The following ADGRG5 variants were observed in gnomAD, a reference collection of about 807,000 sequenced individuals.
ADGRG5 encodes the protein adhesion G protein-coupled receptor G5, also known as G protein-coupled receptor 114.
In ADGRG5, 37 loss-of-function variants were observed where a neutral mutation model predicts 53.2. The observed-to-expected ratio is 0.70, with a 90% CI of 0.53 to 0.91. The LOEUF (loss-of-function observed/expected upper bound fraction) is 0.91, where lower values mean the gene tolerates loss of function less well. Among genes scored for constraint, ADGRG5 ranks in the 40% least tolerant of loss-of-function variants. The pLI is 0.00. For missense variants in ADGRG5, 614 were observed against 675.8 expected, an observed-to-expected ratio of 0.91 and a Z score of 1.01; for synonymous variants, 277 against 290.4, an observed-to-expected ratio of 0.95 and a Z score of 0.47.
chr16:57,543,346 G>A (rs1053633272), intron 1 of ADGRG5, among the ~76,000 whole-genome samples: 1 of 145,086 alleles, frequency 6.9e-6, no homozygotes, highest in Non-Finnish European at 1.5e-5. Context: ...GCAGTGGTGC[G>A]ATCTCGGCTC....
chr16:57,572,454 C>G (rs962453159), intron 10 of ADGRG5, among the ~76,000 whole-genome samples: 1 of 151,076 alleles, frequency 6.6e-6, no homozygotes, highest in East Asian at 2.0e-4. Context: ...GCCTGGGCGA[C>G]AGCGAGACTC....
the ADGRG5 span, among the ~76,000 whole-genome samples, chr16:57,531,047 T>C: frequency 6.6e-6 from 1 of 151,876 alleles, no homozygotes; most frequent in Non-Finnish European, 1.5e-5. Context: ...CGAATGCGGC[T>C]GTCATCGGGC....
intron 10 of ADGRG5, among the ~76,000 whole-genome samples, chr16:57,571,656 CT>C (rs61698586): frequency 1.7e-3 from 223 of 133,984 alleles, no homozygotes; most frequent in African/African-American, 2.4e-3. Flanking sequence ...TCTTTTTTTT[CT>C]TTTTTTTTTT....
At chr16:57,549,277 G>T (rs1284931587) in intron 1 of ADGRG5, among the ~76,000 whole-genome samples, 1 of 152,200 alleles carries the variant, frequency 6.6e-6, no homozygotes, top group Non-Finnish European at 1.5e-5. Flanking sequence ...CTTAGACAGA[G>T]AGTGCAGGAA....
rs74019561 is a variant in ADGRG5 at position 57,559,386 on chromosome 16, C to T, written c.-38-2670C>T. 5.2e-3 allele frequency among the ~76,000 whole-genome samples: 786 copies of T among 152,332 alleles called. 3 individuals carry two copies. Among genetic ancestry groups the T allele is most frequent in the Middle Eastern group, 0.017 (5 of 294 alleles). On this transcript the variant is annotated intron_variant, in intron 1 of 11. Coordinates refer to ENST00000349457, the MANE Select transcript of ADGRG5 (RefSeq NM_001304376.3). ...TCTCCAGGTAATCCTGCTCCACCCTCAACCCTTGGCATGTCCTGCATGGCT... is the reference window on the plus strand; with the variant it reads ...TCTCCAGGTAATCCTGCTCCACCCTTAACCCTTGGCATGTCCTGCATGGCT...
chr16:57,529,093 G>A, the ADGRG5 span: 1 of 1,174,870 alleles, frequency 8.5e-7, no homozygotes, highest in South Asian at 4.2e-5. This position sits in a 1 kb window ranked among gnomAD's most constrained non-coding sequence, Gnocchi z 4.1. Flanking sequence ...ATGCGCTCCG[G>A]CGACGGGCTG....
chr16:57,532,135 T>G, the ADGRG5 span, among the ~76,000 whole-genome samples: 2 of 152,252 alleles, frequency 1.3e-5, no homozygotes, highest in East Asian at 1.9e-4. Flanking sequence ...GACCAGTGCT[T>G]CTTCATCAGG....
chr16:57,549,426 T>A (rs2032696705), intron 1 of ADGRG5, among the ~76,000 whole-genome samples: 2 of 152,204 alleles, frequency 1.3e-5, no homozygotes, highest in Admixed American at 1.3e-4. Flanking sequence ...GTTTTGTGGC[T>A]CTCCCTCTTG....
chr16:57,564,026 G>C, intron 5 of ADGRG5, 47 bp downstream of exon 5: 1 of 1,585,904 alleles, frequency 6.3e-7, no homozygotes, highest in Non-Finnish European at 8.6e-7. Context: ...GCCCCTTCTT[G>C]GGATCCACTG....
At chr16:57,540,538 A>AGAGGAGCAGGAGGCAGAGAAGCCTTCCTG (rs1222761983), upstream of ADGRG5, among the ~76,000 whole-genome samples, 11 of 152,068 alleles carry the variant, frequency 7.2e-5, no homozygotes, top group African/African-American at 9.7e-5. Flanking sequence ...AGTGTTTTGT[A>AGAGGAGCAGGAGGCAGAGAAGCCTTCCTG]GAGGAGCAGG....
chr16:57,568,271 C>T, intron 9 of ADGRG5, 147 bp downstream of exon 9: 2 of 741,612 alleles, frequency 2.7e-6, no homozygotes. Context: ...CCCACCTCTA[C>T]TTTCTATGTT....
chr16:57,571,520 A>C (rs545898870), intron 10 of ADGRG5, among the ~76,000 whole-genome samples: 1 of 152,120 alleles, frequency 6.6e-6, no homozygotes, highest in African/African-American at 2.4e-5. Context: ...TGTGACTTCA[A>C]TTTACATGAA....
chr16:57,554,007 T>C (rs2146772738), intron 1 of ADGRG5, among the ~76,000 whole-genome samples: 1 of 152,346 alleles, frequency 6.6e-6, no homozygotes, highest in Middle Eastern at 3.4e-3. Context: ...TGTTTCTTTG[T>C]GGGAAGATTT....
chr16:57,551,071 A>C (rs1431802152), intron 1 of ADGRG5, among the ~76,000 whole-genome samples: 1 of 152,194 alleles, frequency 6.6e-6, no homozygotes, highest in African/African-American at 2.4e-5. Context: ...ACTGTAGTCT[A>C]TTTAGTGTAC....
rs2033098514 is a variant in ADGRG5, at chr16:57,565,023, T to G, written c.430-11T>G. 8.3e-6 allele frequency: 13 copies of G among 1,575,188 alleles called. No individual in the cohort carries two copies. Among genetic ancestry groups the G allele is most frequent in the Non-Finnish European group, 1.1e-5 (13 of 1,145,148 alleles). ...CCCCTCCACTCAGCCCTTCTCCTGC[T>G]GCCCTTCCAGGATGAAAACAACTCA... On this transcript the variant is annotated splice_polypyrimidine_tract_variant and intron_variant, in intron 5 of 11. Coordinates refer to ENST00000349457, the MANE Select transcript of ADGRG5 (RefSeq NM_001304376.3).
upstream of ADGRG5, among the ~76,000 whole-genome samples, chr16:57,538,910 A>T (rs74638755): frequency 0.022 from 3,300 of 152,324 alleles, 109 homozygotes; most frequent in African/African-American, 0.077. Context: ...AAATTTGTAT[A>T]ACTTGCCACA....
Position 57,567,940 on chromosome 16 carries a change from C to A in ADGRG5, c.906C>A (p.Pro302=). The stretch of plus-strand genomic sequence containing the variant: ...TGAACATCGCCTTCCTGCTGAGCCC[C>A]GCATTCGCAATGTCTCCTGTGCCCG... The part of the protein sequence containing the change: ...LLLNIAFLLS[P]AFAMSPVPGS... The change falls in exon 9 of 12, where the codon CCC becomes CCA. Residue 302 remains proline (P), a synonymous_variant. Coordinates refer to ENST00000349457, the MANE Select transcript of ADGRG5 (RefSeq NM_001304376.3). 6.2e-7 allele frequency: 1 copy of A among 1,613,916 alleles called. No individual in the cohort carries two copies. The highest frequency in any genetic ancestry group is 1.3e-5 in the African/African-American group (1 of 75,010).
Position 57,575,351 on chromosome 16 carries a change from A to T in ADGRG5, c.1487-87A>T, listed in dbSNP as rs928980613. The T allele has an allele frequency of 7.0e-6, 9 of 1,283,460 alleles. No homozygotes were observed. In the African/African-American group the frequency reaches 7.4e-5, roughly 10 times the overall value. The allele number at this position is 1,283,460 out of a possible 1,614,324, so 79.5% of individuals were successfully genotyped here. A position where few individuals can be genotyped will look rare whatever the true frequency, so the allele number is the denominator to read the frequency against. On this transcript the variant is annotated intron_variant, in intron 11 of 11. Coordinates refer to ENST00000349457, the MANE Select transcript of ADGRG5 (RefSeq NM_001304376.3). ...ATTCTGGGAGTTGCCCATGGGCCCC[A>T]GGGAGGCCAGCTCGCTGCAGCCAAG...
At chr16:57,543,701 C>T (rs1221857212) in intron 1 of ADGRG5, among the ~76,000 whole-genome samples, 2 of 152,088 alleles carry the variant, frequency 1.3e-5, no homozygotes, top group Admixed American at 6.5e-5. Flanking sequence ...ATGGCTGGCT[C>T]AGTAGGCCTT....
Sources: allele counts gnomAD v4.1 joint callset (sites outside exome capture counted in the v4.1 genomes callset), GRCh38; gene constraint gnomAD v4.1.1; non-coding constraint Gnocchi (gnomAD v3.1); transcripts MANE v1.5; gene names NCBI Gene and HGNC (gene_info 2026-07-23, HGNC 2026-07-21).